The following RNGTT variants were observed in gnomAD, a reference collection of about 807,000 sequenced individuals.
RNGTT encodes the protein mRNA-capping enzyme.
A neutral mutation model predicts 79.3 loss-of-function variants in RNGTT; 33 were observed. The observed-to-expected ratio is 0.42, with a 90% CI of 0.32 to 0.56. The LOEUF (loss-of-function observed/expected upper bound fraction) is 0.56, where lower values mean the gene tolerates loss of function less well. Among genes scored for constraint, RNGTT ranks in the 20% least tolerant of loss-of-function variants. The pLI is 0.17. For synonymous variants in RNGTT, 222 were observed against 235.9 expected (o/e 0.94, Z 0.54); for missense variants, 497 against 739.1 (o/e 0.67, Z 3.80).
chr6:88,745,352 C>T (rs546815564), intron 13 of RNGTT, among the ~76,000 whole-genome samples: 7 of 152,218 alleles, frequency 4.6e-5, no homozygotes, highest in South Asian at 2.1e-4. Flanking sequence ...AAAGCCAAAT[C>T]GAGGTATTGG....
intron 13 of RNGTT, among the ~76,000 whole-genome samples, chr6:88,715,487 A>C (rs1776477876): frequency 6.6e-6 from 1 of 152,138 alleles, no homozygotes; most frequent in Admixed American, 6.6e-5. Flanking sequence ...TATGGAACCA[A>C]AAAAGAGCCC....
chr6:88,928,107 G>T lies in RNGTT; in HGVS notation c.367+878C>A, dbSNP rs149715322. On this transcript the variant is annotated intron_variant, in intron 4 of 15. Transcript: ENST00000369485. ...TGTGCCTGTAATCCCAGCTACTCAG[G>T]AAGCTGAGAAGAGAGGATCACTTGA... Among the ~76,000 whole-genome samples, 426 of 152,202 alleles carry T rather than the reference G, an allele frequency of 2.8e-3. 1 individual carries two copies. The highest frequency in any genetic ancestry group is 9.5e-3 in the African/African-American group (395 of 41,518).
At chr6:88,612,979 T>C in intron 15 of RNGTT, 97 bp from the exon 16 acceptor site, 1 of 1,108,826 alleles carries the variant, frequency 9.0e-7, no homozygotes, top group Non-Finnish European at 1.3e-6. Flanking sequence ...ATATACTAAA[T>C]ACTTTCCATT....
rs867540138 is a variant in RNGTT at position 88,878,705 on chromosome 6, T to C, written c.896+11790A>G. Among the ~76,000 whole-genome samples the C allele has an allele frequency of 2.6e-5, 4 of 152,318 alleles. No homozygotes were observed. The East Asian group carries it at 7.7e-4, about 29-fold the overall frequency. ...CAATATTCATTTCATCTCTAGTTCTTATGTTACATATCAGGAGCTATTTGC... is the reference window on the plus strand; with the variant it reads ...CAATATTCATTTCATCTCTAGTTCTCATGTTACATATCAGGAGCTATTTGC... On this transcript the variant is annotated intron_variant, in intron 8 of 15. Coordinates refer to ENST00000369485, the MANE Select transcript of RNGTT (RefSeq NM_003800.5).
intron 13 of RNGTT, among the ~76,000 whole-genome samples, chr6:88,697,917 TAC>T (rs57819241): frequency 1.2e-5 from 1 of 84,078 alleles, no homozygotes; most frequent in African/African-American, 1.6e-4. Context: ...ATATATGAAA[TAC>T]ATATATATGA....
chr6:88,639,107 A>G (rs1773212907), intron 14 of RNGTT, among the ~76,000 whole-genome samples: 1 of 152,208 alleles, frequency 6.6e-6, no homozygotes. Flanking sequence ...GACATTTGGT[A>G]GAATCAACAG....
chr6:88,765,030 A>G (rs1037588659), intron 13 of RNGTT, among the ~76,000 whole-genome samples: 1 of 151,988 alleles, frequency 6.6e-6, no homozygotes, highest in African/African-American at 2.4e-5. Context: ...GTCTCTACTA[A>G]AAATACAAAA....
At chr6:88,632,544 G>GACACAC (rs55920605) in intron 14 of RNGTT, among the ~76,000 whole-genome samples, 13,721 of 132,864 alleles carry the variant, frequency 0.1, 712 homozygotes, top group Non-Finnish European at 0.12. Context: ...CAGACACACA[G>GACACAC]ACACACACAC....
chr6:88,685,749 G>A (rs991555693), intron 13 of RNGTT, among the ~76,000 whole-genome samples: 11 of 151,940 alleles, frequency 7.2e-5, no homozygotes, highest in African/African-American at 2.7e-4. Flanking sequence ...AAACACCCTT[G>A]TATAAGTACT....
At chr6:88,697,318 G>C (rs937658780) in intron 13 of RNGTT, among the ~76,000 whole-genome samples, 1 of 151,244 alleles carries the variant, frequency 6.6e-6, no homozygotes, top group Non-Finnish European at 1.5e-5. Flanking sequence ...TTGGGAGGCC[G>C]CGGTGGGTGG....
chr6:88,728,692 A>C (rs1777003669), intron 13 of RNGTT, among the ~76,000 whole-genome samples: 1 of 152,088 alleles, frequency 6.6e-6, no homozygotes, highest in Non-Finnish European at 1.5e-5. Flanking sequence ...GACAGACCCT[A>C]TTAGATTCTT....
chr6:88,946,009 G>A (rs1317207275), intron 1 of RNGTT, among the ~76,000 whole-genome samples: 1 of 152,222 alleles, frequency 6.6e-6, no homozygotes, highest in African/African-American at 2.4e-5. Flanking sequence ...TGGAACTCCT[G>A]AGTTTTGGGC....
chr6:88,648,876 A>T (rs1294534390), intron 14 of RNGTT, among the ~76,000 whole-genome samples: 1 of 152,192 alleles, frequency 6.6e-6, no homozygotes, highest in Admixed American at 6.5e-5. Flanking sequence ...ATTTCTTTGT[A>T]AATCAGCTAT....
intron 13 of RNGTT, among the ~76,000 whole-genome samples, chr6:88,739,606 CACAT>C (rs913898158): frequency 1.5e-4 from 23 of 151,368 alleles, no homozygotes; most frequent in East Asian, 7.8e-4. Flanking sequence ...AATATCTCAT[CACAT>C]ACAGAACAGA....
chr6:88,626,135 A>G (rs545991237), intron 14 of RNGTT, among the ~76,000 whole-genome samples: 3 of 152,160 alleles, frequency 2.0e-5, no homozygotes, highest in African/African-American at 7.2e-5. Context: ...AATAGACAGT[A>G]AATGGTGAAG....
chr6:88,825,027 G>A (rs1239987178), intron 11 of RNGTT, among the ~76,000 whole-genome samples: 1 of 152,000 alleles, frequency 6.6e-6, no homozygotes, highest in African/African-American at 2.4e-5. Context: ...ACAGGTGTGA[G>A]CCACCACACC....
chr6:88,955,322 G>C (rs200269864), intron 1 of RNGTT, among the ~76,000 whole-genome samples: 2 of 151,706 alleles, frequency 1.3e-5, no homozygotes, highest in African/African-American at 4.8e-5. Context: ...AGGCCAAGGC[G>C]GGCAAATCAC....
chr6:88,661,734 T>C (rs952476455), intron 14 of RNGTT, among the ~76,000 whole-genome samples: 10 of 152,194 alleles, frequency 6.6e-5, no homozygotes, highest in Admixed American at 2.6e-4. Context: ...AGCTAAATTC[T>C]ATCACATATT....
At chr6:88,878,150 T>C (rs1782578451) in intron 8 of RNGTT, among the ~76,000 whole-genome samples, 1 of 151,968 alleles carries the variant, frequency 6.6e-6, no homozygotes, top group Admixed American at 6.6e-5. Flanking sequence ...GGCTGAAGTG[T>C]AGTGGTACAA....
Sources: allele counts gnomAD v4.1 joint callset (sites outside exome capture counted in the v4.1 genomes callset), GRCh38; gene constraint gnomAD v4.1.1; transcripts MANE v1.5; gene names NCBI Gene and HGNC (gene_info 2026-07-23, HGNC 2026-07-21).